HECW1: variants seen among roughly 807,000 people sequenced by gnomAD.
The protein encoded by HECW1 is E3 ubiquitin-protein ligase HECW1.
A neutral mutation model predicts 182.3 loss-of-function variants in HECW1; 61 were observed. That is an observed-to-expected ratio of 0.33 (90% CI 0.27 to 0.41). HECW1 has a LOEUF of 0.41. HECW1 is among the 10% of genes least tolerant of loss of function. The pLI is 1.00. For synonymous variants in HECW1, 859 were observed against 832.6 expected (o/e 1.03, Z -0.55); for missense variants, 1,739 against 2,108.9 (o/e 0.82, Z 3.44).
At chr7:43,397,507 A>C (rs1319880903) in intron 7 of HECW1, among the ~76,000 whole-genome samples, 1 of 152,196 alleles carries the variant, frequency 6.6e-6, no homozygotes, top group Non-Finnish European at 1.5e-5. Context: ...GAGTACGAAA[A>C]GAGAGTCAGC....
intron 17 of HECW1, among the ~76,000 whole-genome samples, chr7:43,487,217 G>T (rs1563043127): frequency 6.6e-6 from 1 of 152,222 alleles, no homozygotes; most frequent in East Asian, 1.9e-4. Flanking sequence ...TCTAAAACAT[G>T]CAATTTTCAA....
chr7:43,198,331 T>C (rs187513496), intron 2 of HECW1, among the ~76,000 whole-genome samples: 337 of 134,270 alleles, frequency 2.5e-3, no homozygotes, highest in African/African-American at 9.2e-3. Context: ...TACACACACA[T>C]CCTACATACA....
At chr7:43,308,197 A>T (rs1178612276) in intron 3 of HECW1, among the ~76,000 whole-genome samples, 2 of 96,830 alleles carry the variant, frequency 2.1e-5, no homozygotes, top group Admixed American at 1.5e-4. Flanking sequence ...TAATATATTT[A>T]TATATATTTT....
chr7:43,244,080 A>G (rs531631725), intron 3 of HECW1, 148 bp downstream of exon 3: 8 of 728,198 alleles, frequency 1.1e-5, no homozygotes, highest in Non-Finnish European at 7.6e-6. Flanking sequence ...TTTGAGATCC[A>G]TCACCCTCCC....
chr7:43,456,492 G>A (rs2077407980), intron 13 of HECW1, 45 bp downstream of exon 13: 8 of 1,572,116 alleles, frequency 5.1e-6, no homozygotes, highest in Non-Finnish European at 5.2e-6. Context: ...CACAGTGAAA[G>A]GAGAATGGCA....
Position 43,360,931 on chromosome 7 carries a change from C to T in HECW1, c.506C>T (p.Ala169Val). 2 of 1,613,786 alleles carry T rather than the reference C, an allele frequency of 1.2e-6. No homozygotes were observed. Among genetic ancestry groups the T allele is most frequent in the Non-Finnish European group, 8.5e-7 (1 of 1,179,894 alleles). The change falls in exon 6 of 30, where the codon GCC becomes GTC. Residue 169 changes from alanine to valine, a missense_variant. Physicochemically the swap from Ala to Val is moderately conservative, Grantham distance 64. Transcript: ENST00000395891. The part of the protein sequence containing the change: ...CFKYYHGVSG[A>V]LRATTPSVTV... ...AAATACTACCATGGAGTGAGTGGGG[C>T]CCTGCGAGCAACCACCCCCAGTGTC... is the stretch of plus-strand genomic sequence containing the variant.
intron 6 of HECW1, among the ~76,000 whole-genome samples, chr7:43,361,917 G>A (rs182331429): frequency 2.4e-4 from 36 of 147,294 alleles, no homozygotes; most frequent in Admixed American, 1.9e-3. Context: ...CCAGGCAGGC[G>A]GATCACTTGA....
At chr7:43,142,238 G>C (rs1169879131) in intron 2 of HECW1, among the ~76,000 whole-genome samples, 1 of 152,090 alleles carries the variant, frequency 6.6e-6, no homozygotes, top group Admixed American at 6.5e-5. Flanking sequence ...TCCCAGGAGG[G>C]GGCCCATGGA....
At chr7:43,337,901 G>A (rs1041701779) in intron 5 of HECW1, among the ~76,000 whole-genome samples, 1 of 152,156 alleles carries the variant, frequency 6.6e-6, no homozygotes, top group Non-Finnish European at 1.5e-5. Flanking sequence ...TCCAGTTCCT[G>A]CACCCTGAAT....
intron 4 of HECW1, among the ~76,000 whole-genome samples, chr7:43,316,941 G>T (rs189071313): frequency 6.6e-5 from 10 of 150,828 alleles, no homozygotes; most frequent in Admixed American, 4.6e-4. Flanking sequence ...GATTCATTTA[G>T]CTGCACCTGT....
At chr7:43,278,381 G>T (rs756712987) in intron 3 of HECW1, among the ~76,000 whole-genome samples, 1 of 151,922 alleles carries the variant, frequency 6.6e-6, no homozygotes, top group Non-Finnish European at 1.5e-5. Context: ...ATCGTCTCTC[G>T]GCACATCCGC....
At chr7:43,202,636 G>A (rs954817607) in intron 2 of HECW1, among the ~76,000 whole-genome samples, 1 of 151,990 alleles carries the variant, frequency 6.6e-6, no homozygotes, top group African/African-American at 2.4e-5. Context: ...ACCACGCCCA[G>A]CTAATTTTTG....
chr7:43,297,737 A>G (rs1211634012), intron 3 of HECW1, among the ~76,000 whole-genome samples: 1 of 152,170 alleles, frequency 6.6e-6, no homozygotes, highest in African/African-American at 2.4e-5. Flanking sequence ...ACATATATAC[A>G]GTGGAGTCAC....
In HECW1 at chr7:43,351,092, G is replaced by A. The variant is rs148586263; in HGVS notation, c.461-9794G>A. ...AATTAGTACTGTCCCCTTTTCCTAC[G>A]GTGTGGCTTCCTGTGAGCCAAACTG... is the stretch of plus-strand genomic sequence containing the variant. On this transcript the variant is annotated intron_variant, in intron 5 of 29. Coordinates refer to ENST00000395891, the MANE Select transcript of HECW1 (RefSeq NM_015052.5). Among the ~76,000 whole-genome samples the A allele has an allele frequency of 2.7e-3, 416 of 152,232 alleles. 5 individuals are homozygous for A. The highest frequency in any genetic ancestry group is 9.2e-3 in the African/African-American group (384 of 41,542).
Position 43,311,964 on chromosome 7 carries a change from A to G in HECW1, c.229A>G (p.Ser77Gly), listed in dbSNP as rs1205613111. The G allele has an allele frequency of 1.2e-6, 2 of 1,614,096 alleles. No individual in the cohort carries two copies. Among genetic ancestry groups the G allele is most frequent in the Non-Finnish European group, 1.7e-6 (2 of 1,180,044 alleles). Residue 77 changes from serine (S) to glycine (G), a missense_variant, in exon 4 of 30, where the codon AGC becomes GGC. This residue lies in a region of HECW1 where 279 missense variants were observed against 353.1 expected (regional missense o/e 0.79). Transcript: ENST00000395891. Reference sequence around the variant, plus strand: ...CGACACTGACCTGGTCACCTCGGACAGCCGCTCCACGCTCATGGTCAGCAG... The same window carrying G: ...CGACACTGACCTGGTCACCTCGGACGGCCGCTCCACGCTCATGGTCAGCAG... ...TSDTDLVTSD[S>G]RSTLMVSSSY... is the part of the protein sequence containing the mutation.
chr7:43,139,873 G>A (rs1787981765), intron 2 of HECW1, among the ~76,000 whole-genome samples: 1 of 152,040 alleles, frequency 6.6e-6, no homozygotes, highest in African/African-American at 2.4e-5. Flanking sequence ...TTACTGTCTG[G>A]GTGTCTTAGG....
chr7:43,451,788 G>T (rs900929189), intron 12 of HECW1, among the ~76,000 whole-genome samples: 3 of 152,106 alleles, frequency 2.0e-5, no homozygotes, highest in Non-Finnish European at 2.9e-5. Flanking sequence ...TTTTGGTTTT[G>T]CTTATTTTTC....
At chr7:43,470,796 C>T (rs567508363) in intron 16 of HECW1, among the ~76,000 whole-genome samples, 2 of 152,324 alleles carry the variant, frequency 1.3e-5, no homozygotes, top group Non-Finnish European at 2.9e-5. Flanking sequence ...AACACACACA[C>T]ATACACACAC....
chr7:43,294,702 G>C (rs1805819798), intron 3 of HECW1, among the ~76,000 whole-genome samples: 1 of 152,164 alleles, frequency 6.6e-6, no homozygotes. Context: ...TGTGCAGCAG[G>C]TGGAAGAGAG....
Sources: gnomAD v4.1 joint callset for allele counts (sites outside exome capture counted in the v4.1 genomes callset) on GRCh38, gnomAD v4.1.1 for gene constraint, gnomAD v4.1.1 regional missense constraint, MANE v1.5 for transcripts, NCBI Gene and HGNC (gene_info 2026-07-23, HGNC 2026-07-21) for gene names.